Variants in HNRNPUL1 observed in about 807,000 individuals in gnomAD.
HNRNPUL1 encodes the protein heterogeneous nuclear ribonucleoprotein U-like protein 1.
A neutral mutation model predicts 108.5 loss-of-function variants in HNRNPUL1; 14 were observed. The ratio of observed to expected loss-of-function variants is 0.13; its 90% confidence interval spans 0.09 to 0.20. The LOEUF (loss-of-function observed/expected upper bound fraction) is 0.20, where lower values mean the gene tolerates loss of function less well. Among genes scored for constraint, HNRNPUL1 ranks in the 10% least tolerant of loss-of-function variants. The pLI is 1.00. For synonymous variants in HNRNPUL1, 422 were observed against 445.2 expected (o/e 0.95, Z 0.66); for missense variants, 804 against 1,168.3 (o/e 0.69, Z 4.55).
intron 6 of HNRNPUL1, 101 bp from the exon 7 acceptor site, chr19:41,281,062 A>G (rs2035871186): frequency 6.5e-6 from 5 of 772,712 alleles, no homozygotes; most frequent in Non-Finnish European, 1.1e-5. Flanking sequence ...AAACTAGTAA[A>G]GAAAATGATT....
chr19:41,291,556 A>G (rs1433776169), intron 7 of HNRNPUL1, among the ~76,000 whole-genome samples: 1 of 152,106 alleles, frequency 6.6e-6, no homozygotes, highest in African/African-American at 2.4e-5. Context: ...TTGGCTGCTC[A>G]AAGTGATGGG....
chr19:41,276,019 C>T lies in HNRNPUL1; in HGVS notation c.647-140C>T, dbSNP rs559177664. On this transcript the variant is annotated intron_variant, in intron 4 of 14. Transcript: ENST00000392006. Reference sequence around the variant, plus strand: ...TCAGGAAGCTGAGGCAAGAGAATCACTTGAACCCGGGAGGCGGAGGTTGCG... The same window carrying T: ...TCAGGAAGCTGAGGCAAGAGAATCATTTGAACCCGGGAGGCGGAGGTTGCG... The T allele has an allele frequency of 3.0e-6, 3 of 999,410 alleles. No individual in the cohort carries two copies. In the African/African-American group the frequency reaches 4.8e-5, roughly 16 times the overall value. 61.9% of individuals were successfully genotyped at this position (999,410 alleles called of 1,614,324 possible).
At chr19:41,301,167 C>G (rs1373129944) in intron 10 of HNRNPUL1, among the ~76,000 whole-genome samples, 1 of 152,170 alleles carries the variant, frequency 6.6e-6, no homozygotes, top group Non-Finnish European at 1.5e-5. Context: ...TAAGGGAACA[C>G]AGGGGTTTTT....
chr19:41,275,305 A>G (rs373889546), intron 4 of HNRNPUL1, among the ~76,000 whole-genome samples: 1 of 152,118 alleles, frequency 6.6e-6, no homozygotes, highest in Admixed American at 6.6e-5. Flanking sequence ...CCTGGGTAAC[A>G]TGGCGAAACC....
At chr19:41,291,400 C>G (rs748168310) in intron 7 of HNRNPUL1, among the ~76,000 whole-genome samples, 4 of 152,174 alleles carry the variant, frequency 2.6e-5, no homozygotes, top group African/African-American at 9.7e-5. Flanking sequence ...GAACTCAGTT[C>G]GAAAAGGCCC....
At chr19:41,281,080 T>C (rs2035872264) in intron 6 of HNRNPUL1, 83 bp from the exon 7 acceptor site, 2 of 864,840 alleles carry the variant, frequency 2.3e-6, no homozygotes, top group African/African-American at 1.7e-5. Context: ...ATTTTTTTCT[T>C]CAAAAATAAA....
Position 41,264,486 on chromosome 19 carries a change from ACCCCGGGGGCCC to A in HNRNPUL1, c.-17_-6del. On this transcript the variant is annotated 5_prime_UTR_variant, in exon 1 of 15. Transcript: ENST00000392006. ...GGAGGCCGGGCCGGGCTCGGGGGCC[ACCCCGGGGGCCC>A]GGGCCATGGATGTGCGCCGTCTGAA... 7.4e-7 allele frequency: 1 copy of A among 1,346,310 alleles called. No individual in the cohort carries two copies. Among genetic ancestry groups the A allele is most frequent in the Non-Finnish European group, 9.5e-7 (1 of 1,048,086 alleles). The allele number at this position is 1,346,310 out of a possible 1,614,324, so 83.4% of individuals were successfully genotyped here.
intron 5 of HNRNPUL1, 129 bp from the exon 6 acceptor site, chr19:41,278,948 A>G: frequency 4.2e-6 from 3 of 718,880 alleles, no homozygotes; most frequent in Non-Finnish European, 4.9e-6. Context: ...AGAGCTGCTT[A>G]AACGCTTCTT....
At chr19:41,290,858 A>C (rs2036536789) in intron 7 of HNRNPUL1, among the ~76,000 whole-genome samples, 1 of 152,166 alleles carries the variant, frequency 6.6e-6, no homozygotes, top group South Asian at 2.1e-4. Context: ...GGAGTTCGAG[A>C]CCAGCCTGAC....
Position 41,274,051 on chromosome 19 carries a change from C to T in HNRNPUL1, c.642C>T (p.Asp214=), listed in dbSNP as rs1161819552. ...DDFDDTLVAI[D]TYNCDLHFKV... ...TTGATGATACCCTTGTTGCTATTGA[C>T]ACCTGTAAGTCTTTGGAGTGTGCAT... The change falls in exon 4 of 15, where the codon GAC becomes GAT. Residue 214 remains aspartate, a synonymous_variant. Transcript: ENST00000392006. 6.2e-7 allele frequency: 1 copy of T among 1,613,428 alleles called. No individual in the cohort carries two copies. The highest frequency in any genetic ancestry group is 1.1e-5 in the South Asian group (1 of 91,062).
At chr19:41,264,949 G>A in intron 1 of HNRNPUL1, 151 bp downstream of exon 1, 2 of 1,340,302 alleles carry the variant, frequency 1.5e-6, no homozygotes, top group Non-Finnish European at 1.9e-6. Flanking sequence ...TGGGGACCAG[G>A]GCCCCAGCAC....
chr19:41,282,676 A>ATTTTTTTC (rs1387531227), intron 7 of HNRNPUL1, among the ~76,000 whole-genome samples: 1 of 148,176 alleles, frequency 6.7e-6, no homozygotes, highest in Non-Finnish European at 1.5e-5. Flanking sequence ...TTATGTGCAT[A>ATTTTTTTC]TTTTTTTCTT....
At chr19:41,267,689 G>C (rs1206606152) in intron 1 of HNRNPUL1, among the ~76,000 whole-genome samples, 2 of 152,248 alleles carry the variant, frequency 1.3e-5, no homozygotes, top group Non-Finnish European at 2.9e-5. Context: ...ATAGCCACTG[G>C]TAGGGCCCTT....
Position 41,268,943 on chromosome 19 carries a change from G to A in HNRNPUL1, c.418+598G>A, listed in dbSNP as rs538637734. 2.6e-5 allele frequency among the ~76,000 whole-genome samples: 4 copies of A among 152,192 alleles called. No individual in the cohort carries two copies. The East Asian group carries it at 7.7e-4, about 29-fold the overall frequency. Reference sequence around the variant, plus strand: ...TACTTGAATCTTATTTAGAATCTTAGAATGGGGGAGCCAGAAAGAGCCTTC... The same window carrying A: ...TACTTGAATCTTATTTAGAATCTTAAAATGGGGGAGCCAGAAAGAGCCTTC... On this transcript the variant is annotated intron_variant, in intron 2 of 14. Transcript: ENST00000392006.
chr19:41,302,907 A>G lies in HNRNPUL1; in HGVS notation c.1930A>G (p.Asn644Asp). 1 of 1,535,804 alleles carries G rather than the reference A, an allele frequency of 6.5e-7. No homozygotes were observed. The highest frequency in any genetic ancestry group is 1.4e-5 in the African/African-American group (1 of 72,376). Residue 644 changes from asparagine (N) to aspartate (D), a missense_variant, in exon 12 of 15, where the codon AAC (asparagine) becomes GAC (aspartate). Coordinates refer to ENST00000392006, the MANE Select transcript of HNRNPUL1 (RefSeq NM_007040.6). The part of the protein sequence containing the change: ...PPGGNRGGFQ[N>D]RGGGSGGGGN... ...TGGAGGCAACCGTGGCGGCTTCCAG[A>G]ACCGAGGGGGAGGCAGCGGTGGAGG...
intron 4 of HNRNPUL1, among the ~76,000 whole-genome samples, chr19:41,274,668 C>T (rs534481038): frequency 5.3e-5 from 8 of 152,246 alleles, no homozygotes; most frequent in African/African-American, 1.7e-4. Flanking sequence ...TCTAAGTGGT[C>T]GAGCCTATGA....
In HNRNPUL1 at chr19:41,264,620, C is replaced by G. The variant is rs771787711; in HGVS notation, c.117C>G (p.Ala39=). Residue 39 remains alanine (A), a synonymous_variant, in exon 1 of 15, where the codon GCC becomes GCG. Transcript: ENST00000392006. Reference sequence around the variant, plus strand: ...AGCGGCTGCAGGCGGCGTTGGAGGCCGAGGAGCCTGACGACGAGCGGGAGC... The same window carrying G: ...AGCGGCTGCAGGCGGCGTTGGAGGCGGAGGAGCCTGACGACGAGCGGGAGC... ...LAERLQAALE[A]EEPDDERELD... is the part of the protein sequence containing the mutation. 1.3e-6 allele frequency: 2 copies of G among 1,582,316 alleles called. No homozygotes were observed. The highest frequency in any genetic ancestry group is 1.1e-5 in the South Asian group (1 of 88,816).
rs926030448 is a variant in HNRNPUL1, at chr19:41,302,763, G to A, written c.1786G>A (p.Glu596Lys). Residue 596 changes from glutamate to lysine, a missense_variant, in exon 12 of 15, where the codon GAG (glutamate) becomes AAG (lysine). Transcript: ENST00000392006. ...EADKLVRQYN[E>K]EGRKAGPPPE... ...GGACAAGCTAGTGAGGCAGTACAAC[G>A]AGGAAGGCCGCAAGGCTGGGCCACC... is the stretch of plus-strand genomic sequence containing the variant. The A allele has an allele frequency of 1.9e-6, 3 of 1,613,940 alleles. No homozygotes were observed. Among genetic ancestry groups the A allele is most frequent in the Non-Finnish European group, 2.5e-6 (3 of 1,179,838 alleles).
At chr19:41,279,937 A>AT (rs1328796457) in intron 6 of HNRNPUL1, among the ~76,000 whole-genome samples, 1 of 152,184 alleles carries the variant, frequency 6.6e-6, no homozygotes, top group African/African-American at 2.4e-5. Context: ...TTAATGTATG[A>AT]TGGGCATATT....
Sources: allele counts gnomAD v4.1 joint callset (sites outside exome capture counted in the v4.1 genomes callset), GRCh38; gene constraint gnomAD v4.1.1; transcripts MANE v1.5; gene names NCBI Gene and HGNC (gene_info 2026-07-23, HGNC 2026-07-21).